The following MPZL1 variants were observed in gnomAD, a reference collection of about 807,000 sequenced individuals.
The protein encoded by MPZL1 is myelin protein zero like 1.
In MPZL1, 16 loss-of-function variants were observed where a neutral mutation model predicts 29.3. The observed-to-expected ratio is 0.55, with a 90% CI of 0.37 to 0.83. The LOEUF (loss-of-function observed/expected upper bound fraction) is 0.83. MPZL1 is among the 40% of genes least tolerant of loss of function. MPZL1 has a pLI of 0.00. For missense variants in MPZL1, 279 were observed against 332.9 expected, an observed-to-expected ratio of 0.84 and a Z score of 1.26; for synonymous variants, 143 against 132.0, an observed-to-expected ratio of 1.08 and a Z score of -0.57.
At chr1:167,775,108 G>A (rs1448642192) in intron 4 of MPZL1, among the ~76,000 whole-genome samples, 1 of 152,130 alleles carries the variant, frequency 6.6e-6, no homozygotes, top group East Asian at 1.9e-4. Flanking sequence ...GTGTGTGTGT[G>A]CATTAGTTTT....
rs116357194 is a variant in MPZL1, at chr1:167,734,436, C to T, written c.91+12194C>T. On this transcript the variant is annotated intron_variant, in intron 1 of 5. Coordinates refer to ENST00000359523, the MANE Select transcript of MPZL1 (RefSeq NM_003953.6). ...GAGCCCTTTCTAACACCCTGAGTTG[C>T]GTAACATTAAATGCAGAATCTCTGA... 9.1e-3 allele frequency among the ~76,000 whole-genome samples: 1,380 copies of T among 152,142 alleles called. 15 individuals carry two copies. Among genetic ancestry groups the T allele is most frequent in the African/African-American group, 0.031 (1,303 of 41,476 alleles).
rs116417651 is a variant in MPZL1, at chr1:167,724,688, A to G, written c.91+2446A>G. Among the ~76,000 whole-genome samples the G allele has an allele frequency of 5.0e-3, 761 of 152,296 alleles. 6 individuals carry two copies. Among genetic ancestry groups the G allele is most frequent in the African/African-American group, 0.017 (712 of 41,558 alleles). ...AAGAAGATGATGGAGATACTTTTGA[A>G]TATGTTGAGTTTGAGATGCGGGTAA... On this transcript the variant is annotated intron_variant, in intron 1 of 5. Coordinates refer to ENST00000359523, the MANE Select transcript of MPZL1 (RefSeq NM_003953.6).
Position 167,776,285 on chromosome 1 carries a change from C to G in MPZL1, c.708+119C>G, listed in dbSNP as rs75216388. On this transcript the variant is annotated intron_variant, in intron 5 of 5. Transcript: ENST00000359523. ...AGAGACAGAGACAGAGACAGACAGACAGAGACAAAGAGAGAGTGGGAGTGA... is the reference window on the plus strand; with the variant it reads ...AGAGACAGAGACAGAGACAGACAGAGAGAGACAAAGAGAGAGTGGGAGTGA... 4.6e-6 allele frequency: 3 copies of G among 652,708 alleles called. No individual in the cohort carries two copies. The African/African-American group carries it at 5.6e-5, about 12-fold the overall frequency. 40.4% of individuals were successfully genotyped at this position (652,708 alleles called of 1,614,324 possible). A position where few individuals can be genotyped will look rare whatever the true frequency, so the allele number is the denominator to read the frequency against.
rs1660036566 is a variant in MPZL1 at position 167,721,991 on chromosome 1, G to T, written c.-161G>T. On this transcript the variant is annotated 5_prime_UTR_variant, in exon 1 of 6. Coordinates refer to ENST00000359523, the MANE Select transcript of MPZL1 (RefSeq NM_003953.6). ...GGGCTGAGGCTTCGGTGCAGAGCTG[G>T]AGAGCCGCGGCTGGGACCGGAGTGG... The T allele has an allele frequency of 2.8e-6, 3 of 1,074,106 alleles. No homozygotes were observed. The highest frequency in any genetic ancestry group is 1.2e-6 in the Non-Finnish European group (1 of 844,936). 66.5% of individuals were successfully genotyped at this position (1,074,106 alleles called of 1,614,324 possible).
Position 167,722,126 on chromosome 1 carries a change from G to GCGGCGGCGA in MPZL1, c.-24_-16dup. ...ACCCGGGCTCAGGGACGCGGCGGCGGCGGCGGCGACTGCAGTGGCTGGACG... is the reference window on the plus strand; with the variant it reads ...ACCCGGGCTCAGGGACGCGGCGGCGGCGGCGGCGACGGCGGCGACTGCAGTGGCTGGACG... On this transcript the variant is annotated 5_prime_UTR_variant, in exon 1 of 6. Coordinates refer to ENST00000359523, the MANE Select transcript of MPZL1 (RefSeq NM_003953.6). 8.1e-7 allele frequency: 1 copy of GCGGCGGCGA among 1,234,458 alleles called. No homozygotes were observed. Among genetic ancestry groups the GCGGCGGCGA allele is most frequent in the East Asian group, 3.2e-5 (1 of 31,720 alleles). The allele number at this position is 1,234,458 out of a possible 1,614,324, so 76.5% of individuals were successfully genotyped here.
At chr1:167,754,070 TC>T (rs1660815451) in intron 1 of MPZL1, among the ~76,000 whole-genome samples, 2 of 152,240 alleles carry the variant, frequency 1.3e-5, no homozygotes, top group African/African-American at 4.8e-5. Context: ...TGATCTCCGT[TC>T]GCTGCAACCT....
intron 1 of MPZL1, among the ~76,000 whole-genome samples, chr1:167,739,440 G>A (rs60957395): frequency 2.2e-3 from 335 of 151,608 alleles, no homozygotes; most frequent in African/African-American, 8.0e-3. Context: ...TTGGTGGTGT[G>A]CAGAGTGTTA....
chr1:167,776,201 T>C, intron 5 of MPZL1, 35 bp downstream of exon 5: 1 of 1,489,000 alleles, frequency 6.7e-7, no homozygotes, highest in Non-Finnish European at 9.3e-7. Flanking sequence ...CACTGCACTG[T>C]TCCCTACAGC....
In MPZL1 at chr1:167,765,733, CCGACACTACTGTGT is replaced by C; in HGVS notation, c.245_258del (p.Asp82ValfsTer18). ...TCCTGGAGCTTCCAGCCAGAGGGGGCCGACACTACTGTGTCGGTAAGAATGCTTGACTTCTCTTG... is the reference window on the plus strand; with the variant it reads ...TCCTGGAGCTTCCAGCCAGAGGGGGCCGGTAAGAATGCTTGACTTCTCTTG... On this transcript the variant is annotated frameshift_variant and splice_region_variant, in exon 2 of 6. Coordinates refer to ENST00000359523, the MANE Select transcript of MPZL1 (RefSeq NM_003953.6). LOFTEE classifies it high-confidence loss of function. 6.2e-7 allele frequency: 1 copy of C among 1,610,620 alleles called. No individual in the cohort carries two copies. Among genetic ancestry groups the C allele is most frequent in the Admixed American group, 1.7e-5 (1 of 59,490 alleles).
chr1:167,765,756 A>G lies in MPZL1; in HGVS notation c.258+7A>G, dbSNP rs372927221. ...GGCCGACACTACTGTGTCGGTAAGA[A>G]TGCTTGACTTCTCTTGGCTAGTCCT... On this transcript the variant is annotated splice_region_variant and intron_variant, in intron 2 of 5. Transcript: ENST00000359523. The G allele has an allele frequency of 2.0e-5, 31 of 1,588,584 alleles. No homozygotes were observed. Among genetic ancestry groups the G allele is most frequent in the Middle Eastern group, 1.7e-4 (1 of 5,958 alleles).
chr1:167,736,473 A>G (rs1156861863), intron 1 of MPZL1, among the ~76,000 whole-genome samples: 1 of 151,810 alleles, frequency 6.6e-6, no homozygotes, highest in Non-Finnish European at 1.5e-5. Flanking sequence ...TCAGAACTCA[A>G]CTCTATATAT....
At chr1:167,780,024 A>T (rs1661462769) in intron 5 of MPZL1, among the ~76,000 whole-genome samples, 1 of 152,234 alleles carries the variant, frequency 6.6e-6, no homozygotes, top group Non-Finnish European at 1.5e-5. Flanking sequence ...CTAAATGTTT[A>T]TACTTGTAAT....
chr1:167,756,173 C>T (rs1477002062), intron 1 of MPZL1, among the ~76,000 whole-genome samples: 1 of 150,954 alleles, frequency 6.6e-6, no homozygotes, highest in African/African-American at 2.4e-5. Flanking sequence ...TTTTTTTTTA[C>T]AGTCTCACTC....
Position 167,787,972 on chromosome 1 carries a change from T to C in MPZL1, c.*51T>C, listed in dbSNP as rs769009844. On this transcript the variant is annotated 3_prime_UTR_variant, in exon 6 of 6. Transcript: ENST00000359523. ...CAAGAAACAAAACCAAACTGGACTC[T>C]CGTGCAGAAAATGTAGCCCATTACC... 21 of 1,488,840 alleles carry C rather than the reference T, an allele frequency of 1.4e-5. No homozygotes were observed. The East Asian group carries it at 1.8e-4, about 13-fold the overall frequency. 92.2% of individuals were successfully genotyped at this position (1,488,840 alleles called of 1,614,324 possible). A position where few individuals can be genotyped will look rare whatever the true frequency, so the allele number is the denominator to read the frequency against.
At chr1:167,728,246 C>T (rs780123620) in intron 1 of MPZL1, among the ~76,000 whole-genome samples, 11 of 151,828 alleles carry the variant, frequency 7.2e-5, no homozygotes, top group African/African-American at 1.9e-4. Context: ...TTTGCCATGT[C>T]GGGCAGGCTG....
chr1:167,732,615 G>C (rs1233486797), intron 1 of MPZL1, among the ~76,000 whole-genome samples: 1 of 152,008 alleles, frequency 6.6e-6, no homozygotes, highest in African/African-American at 2.4e-5. Context: ...CCAAACCCCA[G>C]CTCTTTTTAG....
chr1:167,722,283 GC>G (rs1558104058), intron 1 of MPZL1, 41 bp downstream of exon 1: 4 of 1,233,544 alleles, frequency 3.2e-6, no homozygotes, highest in Middle Eastern at 2.8e-4. Context: ...GGGGAGTGGG[GC>G]CCCCGGGCCC....
intron 5 of MPZL1, among the ~76,000 whole-genome samples, chr1:167,780,568 A>G (rs993128935): frequency 7.2e-5 from 11 of 152,182 alleles, no homozygotes; most frequent in African/African-American, 2.4e-4. Context: ...TCTGTCTTTA[A>G]AAGGAAAGAA....
At chr1:167,771,798 G>A (rs371937772) in intron 2 of MPZL1, among the ~76,000 whole-genome samples, 5 of 150,560 alleles carry the variant, frequency 3.3e-5, no homozygotes, top group Non-Finnish European at 3.0e-5. Context: ...AGGTTGCAGC[G>A]AGCCGAGATC....
Sources: gnomAD v4.1 joint callset for allele counts (sites outside exome capture counted in the v4.1 genomes callset) on GRCh38, gnomAD v4.1.1 for gene constraint, MANE v1.5 for transcripts, NCBI Gene and HGNC (gene_info 2026-07-23, HGNC 2026-07-21) for gene names.